Variants in RBFOX1 observed in about 807,000 individuals in gnomAD.
RBFOX1 encodes RNA binding fox-1 homolog 1.
RBFOX1 carries 8 observed loss-of-function variants against 57.7 expected under a neutral mutation model. The ratio of observed to expected loss-of-function variants is 0.14; its 90% CI spans 0.08 to 0.25. RBFOX1 has a LOEUF of 0.25. Among genes scored for constraint, RBFOX1 ranks in the 10% least tolerant of loss-of-function variants. The probability of loss-of-function intolerance (pLI) is 1.00; values close to 1 mark genes in which losing one functional copy is unlikely to be tolerated. For missense variants in RBFOX1, 611 were observed against 548.5 expected (o/e 1.11, Z -1.14); for synonymous variants, 326 against 222.4 (o/e 1.47, Z -4.15).
intron 1 of RBFOX1, among the ~76,000 whole-genome samples, chr16:6,128,390 A>C (rs1479923701): frequency 6.6e-6 from 1 of 152,190 alleles, no homozygotes; most frequent in African/African-American, 2.4e-5. Context: ...TGGTCCTCAG[A>C]CTGAAAGCAA....
chr16:5,809,894 T>C (rs2055359794), intron 3 of RBFOX1, among the ~76,000 whole-genome samples: 1 of 152,116 alleles, frequency 6.6e-6, no homozygotes, highest in South Asian at 2.1e-4. Context: ...TTTGCGGCAC[T>C]ATCCACAATA....
chr16:5,350,059 G>C (rs1199289184), intron 1 of RBFOX1, among the ~76,000 whole-genome samples: 2 of 152,250 alleles, frequency 1.3e-5, no homozygotes, highest in Non-Finnish European at 2.9e-5. Context: ...GCTTGCGTGA[G>C]AGGAAATGAA....
intron 3 of RBFOX1, among the ~76,000 whole-genome samples, chr16:5,814,724 C>G (rs192563452): frequency 3.9e-5 from 6 of 152,044 alleles, no homozygotes; most frequent in African/African-American, 1.4e-4. Flanking sequence ...GTCAGGAGAT[C>G]GAGACCATCC....
chr16:5,321,419 A>C (rs1277187691), intron 1 of RBFOX1, among the ~76,000 whole-genome samples: 2 of 151,618 alleles, frequency 1.3e-5, no homozygotes, highest in Non-Finnish European at 2.9e-5. Context: ...TCCTGGGTTC[A>C]TGCCATTATC....
chr16:7,469,959 T>G (rs540971511), intron 4 of RBFOX1, among the ~76,000 whole-genome samples: 1 of 152,254 alleles, frequency 6.6e-6, no homozygotes, highest in East Asian at 1.9e-4. Flanking sequence ...GGCTTATTTC[T>G]CTTAGCATAA....
intron 1 of RBFOX1, among the ~76,000 whole-genome samples, chr16:6,232,637 C>G (rs140910867): frequency 6.6e-6 from 1 of 152,294 alleles, no homozygotes; most frequent in African/African-American, 2.4e-5. Flanking sequence ...GCTTTAGAAA[C>G]TAGGAACAGA....
intron 3 of RBFOX1, among the ~76,000 whole-genome samples, chr16:5,750,445 G>T (rs2053153755): frequency 6.6e-6 from 1 of 152,206 alleles, no homozygotes; most frequent in Non-Finnish European, 1.5e-5. Context: ...CTTTTGTTTG[G>T]CTATGCCGTG....
intron 3 of RBFOX1, among the ~76,000 whole-genome samples, chr16:5,730,429 A>G (rs1325717350): frequency 6.6e-6 from 1 of 152,178 alleles, no homozygotes; most frequent in African/African-American, 2.4e-5. Context: ...ACTGGTTGTC[A>G]TTGTGTGCCT....
At chr16:5,809,718 C>T (rs1383400570) in intron 3 of RBFOX1, among the ~76,000 whole-genome samples, 1 of 152,214 alleles carries the variant, frequency 6.6e-6, no homozygotes, top group East Asian at 1.9e-4. Flanking sequence ...CACTTTTACA[C>T]TGTTGGTGGG....
At chr16:5,859,638 A>G (rs1159315409) in intron 3 of RBFOX1, among the ~76,000 whole-genome samples, 1 of 152,180 alleles carries the variant, frequency 6.6e-6, no homozygotes, top group East Asian at 1.9e-4. Flanking sequence ...TGTGACAGGG[A>G]GGATAAAACT....
chr16:5,677,992 C>G (rs79226551), intron 3 of RBFOX1, among the ~76,000 whole-genome samples: 2,942 of 152,310 alleles, frequency 0.019, 91 homozygotes, highest in African/African-American at 0.067. Context: ...CCGTGGGGCT[C>G]TGTGTGTGTA....
chr16:6,859,119 A>ATATATATATATGTATATATATATG (rs2058442693), intron 3 of RBFOX1, among the ~76,000 whole-genome samples: 17 of 82,164 alleles, frequency 2.1e-4, no homozygotes, highest in South Asian at 8.0e-4. Flanking sequence ...GTGTATATAT[A>ATATATATATATGTATATATATATG]TATATATATA....
chr16:6,396,937 A>G (rs2092862253), intron 2 of RBFOX1, among the ~76,000 whole-genome samples: 1 of 152,214 alleles, frequency 6.6e-6, no homozygotes, highest in Non-Finnish European at 1.5e-5. Flanking sequence ...GTTTTACTAT[A>G]TGGGCTAAAC....
chr16:7,030,464 A>G (rs2042498596), intron 3 of RBFOX1, among the ~76,000 whole-genome samples: 1 of 152,216 alleles, frequency 6.6e-6, no homozygotes, highest in African/African-American at 2.4e-5. Context: ...TGAAGGCTCT[A>G]GGGTAGAATC....
chr16:5,417,395 C>T (rs2067189837), intron 1 of RBFOX1, among the ~76,000 whole-genome samples: 1 of 152,148 alleles, frequency 6.6e-6, no homozygotes, highest in Non-Finnish European at 1.5e-5. Context: ...TTGACAAAGT[C>T]ATTTCTTCCA....
At position 6,448,347 on chromosome 16, in the gene RBFOX1, C is replaced by CG. The variant is rs140138716; in HGVS notation, c.-64+131294dup. 8.8e-3 allele frequency among the ~76,000 whole-genome samples: 1,336 copies of CG among 151,428 alleles called. 32 individuals carry two copies. The East Asian group carries it at 0.11, about 13-fold the overall frequency. ...GCTAATTTTTTTATTTTAATAGAGG[C>CG]GGGGCTTCACCATGTTGACCAGGCT... is the stretch of plus-strand genomic sequence containing the variant. On this transcript the variant is annotated intron_variant, in intron 2 of 15. Coordinates refer to ENST00000550418, the MANE Select transcript of RBFOX1 (RefSeq NM_018723.4).
intron 1 of RBFOX1, among the ~76,000 whole-genome samples, chr16:5,448,355 C>CAA (rs139852758): frequency 6.6e-6 from 1 of 151,790 alleles, no homozygotes; most frequent in Non-Finnish European, 1.5e-5. Flanking sequence ...GTTCCAGAGG[C>CAA]AAAAAAACTG....
intron 3 of RBFOX1, among the ~76,000 whole-genome samples, chr16:6,667,787 G>T (rs1235214173): frequency 6.6e-6 from 1 of 152,004 alleles, no homozygotes; most frequent in African/African-American, 2.4e-5. Context: ...TACTCAAATG[G>T]CTTAAGGAGA....
At chr16:5,422,746 G>C (rs2067381651) in intron 1 of RBFOX1, among the ~76,000 whole-genome samples, 1 of 139,934 alleles carries the variant, frequency 7.1e-6, no homozygotes, top group South Asian at 2.5e-4. Flanking sequence ...GGAAAGGGAT[G>C]GGGAGGAAAG....
Sources: gnomAD v4.1 joint callset for allele counts (sites outside exome capture counted in the v4.1 genomes callset) on GRCh38, gnomAD v4.1.1 for gene constraint, MANE v1.5 for transcripts, NCBI Gene and HGNC (gene_info 2026-07-23, HGNC 2026-07-21) for gene names.